MYBL1: variants seen among roughly 807,000 people sequenced by gnomAD.
MYBL1 encodes MYB proto-oncogene like 1, also known as myb-related protein A.
In MYBL1, 17 loss-of-function variants were observed where a neutral mutation model predicts 96.3. The observed-to-expected ratio is 0.18, with a 90% CI of 0.12 to 0.26. The LOEUF is 0.26. Ranked by LOEUF, MYBL1 falls within the 10% of genes least tolerant of loss-of-function variation. The pLI is 1.00. For synonymous variants in MYBL1, 282 were observed against 292.7 expected (o/e 0.96, Z 0.37); for missense variants, 701 against 882.9 (o/e 0.79, Z 2.61).
At chr8:66,602,745 T>A (rs1280636932) in intron 1 of MYBL1, among the ~76,000 whole-genome samples, 1 of 104,122 alleles carries the variant, frequency 9.6e-6, no homozygotes, top group African/African-American at 4.0e-5. Context: ...TTTTTTTTTT[T>A]TTTTTTTTTT....
In MYBL1 at chr8:66,563,022, G is replaced by T. The variant is rs1010415758; in HGVS notation, c.*1675C>A. 1 of 152,142 alleles carries T rather than the reference G, an allele frequency of 6.6e-6. No individual in the cohort carries two copies. Among genetic ancestry groups the T allele is most frequent in the African/African-American group, 2.4e-5 (1 of 41,410 alleles). The allele number at this position is 152,142 out of a possible 1,614,324, so 9.4% of individuals were successfully genotyped here. ...CAAGAGCTAAGCATTAAAATACTTA[G>T]TATTTCCATTTCTATTAACATACAA... On this transcript the variant is annotated 3_prime_UTR_variant, in exon 16 of 16. Transcript: ENST00000522677.
chr8:66,592,974 TTTC>T, intron 7 of MYBL1, 143 bp downstream of exon 7: 1 of 545,336 alleles, frequency 1.8e-6, no homozygotes, highest in Non-Finnish European at 3.3e-6. Flanking sequence ...ACTTACACAC[TTTC>T]TTCTTTATAG....
At position 66,593,162 on chromosome 8, in the gene MYBL1, G is replaced by T; in HGVS notation, c.720C>A (p.Gly240=). 6.3e-7 allele frequency: 1 copy of T among 1,588,280 alleles called. No individual in the cohort carries two copies. The highest frequency in any genetic ancestry group is 8.6e-7 in the Non-Finnish European group (1 of 1,164,910). Residue 240 remains glycine, a synonymous_variant, in exon 7 of 16, where the codon GGC becomes GGA. Transcript: ENST00000522677. ...TAGGCTGAACATGTTCTATACAATT[G>T]CCTTCAGGTGACACATACTGATACC... ...IPGYQYVSPE[G]NCIEHVQPTS...
At chr8:66,569,903 C>T (rs71515027) in intron 12 of MYBL1, among the ~76,000 whole-genome samples, 1 of 152,078 alleles carries the variant, frequency 6.6e-6, no homozygotes, top group Non-Finnish European at 1.5e-5. Context: ...TTAAAAGAAT[C>T]GGTTTATTAA....
At chr8:66,574,533 T>C (rs1011757466) in intron 10 of MYBL1, among the ~76,000 whole-genome samples, 3 of 152,192 alleles carry the variant, frequency 2.0e-5, no homozygotes, top group African/African-American at 7.2e-5. Context: ...AGATCCTGCT[T>C]ATCTCCCCAG....
chr8:66,595,565 G>T lies in MYBL1; in HGVS notation c.687+18C>A, dbSNP rs1361748825. 1.4e-5 allele frequency: 20 copies of T among 1,405,584 alleles called. No homozygotes were observed. Among genetic ancestry groups the T allele is most frequent in the African/African-American group, 3.0e-5 (2 of 67,068 alleles). 87.1% of individuals were successfully genotyped at this position (1,405,584 alleles called of 1,614,324 possible). A position where few individuals can be genotyped will look rare whatever the true frequency, so the allele number is the denominator to read the frequency against. On this transcript the variant is annotated intron_variant, in intron 6 of 15. Coordinates refer to ENST00000522677, the MANE Select transcript of MYBL1 (RefSeq NM_001080416.4). ...TTAAGAAAATTTTTTAAATAATAAAGGTATTAAAAGTATGTGCCTGAACAG... is the reference window on the plus strand; with the variant it reads ...TTAAGAAAATTTTTTAAATAATAAATGTATTAAAAGTATGTGCCTGAACAG...
intron 3 of MYBL1, 31 bp downstream of exon 3, chr8:66,601,667 T>C: frequency 1.6e-6 from 2 of 1,249,404 alleles, no homozygotes; most frequent in Non-Finnish European, 2.3e-6. Context: ...AAACCAGCCA[T>C]GTTAGAAATA....
chr8:66,613,080 AC>A lies in MYBL1; in HGVS notation c.-243del. 2.4e-6 allele frequency: 1 copy of A among 410,698 alleles called. No homozygotes were observed. The highest frequency in any genetic ancestry group is 1.1e-4 in the South Asian group (1 of 8,860). 25.4% of individuals were successfully genotyped at this position (410,698 alleles called of 1,614,324 possible). Reference sequence around the variant, plus strand: ...GCCCCGGCCCGGCCCGGCCAGGGATACCCCCAACATGTCAGGAGGCGCGATC... The same window carrying A: ...GCCCCGGCCCGGCCCGGCCAGGGATACCCCAACATGTCAGGAGGCGCGATC... On this transcript the variant is annotated 5_prime_UTR_variant, in exon 1 of 16. An upstream open reading frame in the 5' UTR loses its in-frame stop. Transcript: ENST00000522677.
intron 1 of MYBL1, chr8:66,612,595 C>T (rs1411619315): frequency 4.7e-6 from 2 of 422,382 alleles, no homozygotes; most frequent in African/African-American, 4.1e-5. Context: ...CACCGAGAAA[C>T]CTGGGCATCT....
chr8:66,598,915 A>G, intron 4 of MYBL1, 135 bp downstream of exon 4: 1 of 462,254 alleles, frequency 2.2e-6, no homozygotes, highest in Non-Finnish European at 3.5e-6. Context: ...CTTAACATTC[A>G]ATTCTTATGC....
chr8:66,599,448 T>G (rs764402093), intron 3 of MYBL1, among the ~76,000 whole-genome samples: 3 of 152,028 alleles, frequency 2.0e-5, no homozygotes, highest in Non-Finnish European at 2.9e-5. Flanking sequence ...AATAAAGAAA[T>G]GGATTTAACA....
At chr8:66,575,766 G>A (rs572756099) in intron 10 of MYBL1, among the ~76,000 whole-genome samples, 6 of 151,990 alleles carry the variant, frequency 3.9e-5, no homozygotes, top group South Asian at 4.2e-4. Flanking sequence ...CTCCAACCTC[G>A]GCAACAAAGT....
Position 66,564,494 on chromosome 8 carries a change from T to C in MYBL1, c.*203A>G, listed in dbSNP as rs1219266414. The C allele has an allele frequency of 8.8e-6, 3 of 341,880 alleles. No homozygotes were observed. The highest frequency in any genetic ancestry group is 6.3e-5 in the African/African-American group (3 of 47,252). The allele number at this position is 341,880 out of a possible 1,614,324, so 21.2% of individuals were successfully genotyped here. A position where few individuals can be genotyped will look rare whatever the true frequency, so the allele number is the denominator to read the frequency against. On this transcript the variant is annotated 3_prime_UTR_variant, in exon 16 of 16. Transcript: ENST00000522677. ...AAAAACAATTTTTAAAAATCTCATC[T>C]CTTAAAAAATAAACTATGAAACTAT...
Position 66,602,433 on chromosome 8 carries a change from T to C in MYBL1, c.111A>G (p.Lys37=). The C allele has an allele frequency of 6.3e-7, 1 of 1,591,438 alleles. No individual in the cohort carries two copies. The highest frequency in any genetic ancestry group is 8.6e-7 in the Non-Finnish European group (1 of 1,167,194). ...AGATAATTACCTCGTCCCTTGTCCA[T>C]TTTACTCTGTTCCAGAGTTTCTTCA... The part of the protein sequence containing the change: ...KGLKKLWNRV[K]WTRDEDDKLK... The change falls in exon 2 of 16, where the codon AAA becomes AAG. Residue 37 remains lysine (K), a synonymous_variant. Coordinates refer to ENST00000522677, the MANE Select transcript of MYBL1 (RefSeq NM_001080416.4).
Position 66,599,054 on chromosome 8 carries a change from T to C in MYBL1, c.287A>G (p.Gln96Arg). Residue 96 changes from glutamine (Q) to arginine (R), a missense_variant, in exon 4 of 16, where the codon CAG becomes CGG. Coordinates refer to ENST00000522677, the MANE Select transcript of MYBL1 (RefSeq NM_001080416.4). ...TAAAGAATATGAACACATTACCCTCTGATCTTCTTCTTTAGTCCAAGGACC... is the reference window on the plus strand; with the variant it reads ...TAAAGAATATGAACACATTACCCTCCGATCTTCTTCTTTAGTCCAAGGACC... ...IKGPWTKEED[Q>R]RVIELVQKYG... The C allele has an allele frequency of 1.3e-6, 2 of 1,580,554 alleles. No individual in the cohort carries two copies. Among genetic ancestry groups the C allele is most frequent in the Non-Finnish European group, 1.7e-6 (2 of 1,165,686 alleles).
chr8:66,590,910 G>A (rs1179322261), intron 8 of MYBL1, among the ~76,000 whole-genome samples: 2 of 151,900 alleles, frequency 1.3e-5, no homozygotes, highest in African/African-American at 4.8e-5. Flanking sequence ...TTAGAAGCAG[G>A]GATATTCAAT....
intron 8 of MYBL1, among the ~76,000 whole-genome samples, chr8:66,584,694 T>C (rs1442011296): frequency 1.3e-5 from 2 of 151,958 alleles, no homozygotes; most frequent in African/African-American, 4.8e-5. Flanking sequence ...CCCCCATCTC[T>C]AAAATTAAAA....
chr8:66,580,748 A>G (rs994586167), intron 8 of MYBL1, among the ~76,000 whole-genome samples: 1 of 152,132 alleles, frequency 6.6e-6, no homozygotes, highest in South Asian at 2.1e-4. Flanking sequence ...AGCACTTGCA[A>G]TTCCCCAGTG....
chr8:66,595,287 A>C (rs1809805673), intron 6 of MYBL1, among the ~76,000 whole-genome samples: 1 of 152,198 alleles, frequency 6.6e-6, no homozygotes, highest in Admixed American at 6.5e-5. Context: ...TTAAATGGAA[A>C]GTACAATAGA....
Sources: gnomAD v4.1 joint callset for allele counts (sites outside exome capture counted in the v4.1 genomes callset) on GRCh38, gnomAD v4.1.1 for gene constraint, MANE v1.5 for transcripts, NCBI Gene and HGNC (gene_info 2026-07-23, HGNC 2026-07-21) for gene names.